Variants in FRMPD4 observed in about 807,000 individuals in gnomAD.
FRMPD4 encodes FERM and PDZ domain containing 4, also known as FERM and PDZ domain-containing protein 4.
FRMPD4 carries 22 observed loss-of-function variants against 94.1 expected under a neutral mutation model. The ratio of observed to expected loss-of-function variants is 0.23; its 90% confidence interval spans 0.17 to 0.33. FRMPD4 has a LOEUF of 0.33. FRMPD4 is among the 10% of genes least tolerant of loss of function. The pLI is 1.00. For synonymous variants in FRMPD4, 631 were observed against 548.6 expected (o/e 1.15, Z -2.10); for missense variants, 1,111 against 1,339.9 (o/e 0.83, Z 2.67).
chrX:12,454,934 C>T (rs144930208), intron 1 of FRMPD4, among the ~76,000 whole-genome samples: 24 of 108,705 alleles, frequency 2.2e-4, no homozygotes, highest in African/African-American at 4.0e-4. Flanking sequence ...GATGCAGGGC[C>T]GTAAATGGAA....
chrX:12,169,273 C>T (rs776768892), intron 1 of FRMPD4, among the ~76,000 whole-genome samples: 1 of 111,661 alleles, frequency 9.0e-6, no homozygotes, highest in South Asian at 3.8e-4. Flanking sequence ...GTTTTCTGGA[C>T]TGGAGGAAAA....
intron 2 of FRMPD4, among the ~76,000 whole-genome samples, chrX:11,875,869 A>ATTTTTTTTTTTTTTTTTT (rs869076863): frequency 1.7e-5 from 1 of 57,264 alleles, no homozygotes; most frequent in Non-Finnish European, 3.0e-5. Flanking sequence ...CCACTTGAGG[A>ATTTTTTTTTTTTTTTTTT]TTTTTTTTTT....
intron 4 of FRMPD4, among the ~76,000 whole-genome samples, chrX:12,620,810 T>G (rs180705997): frequency 8.9e-6 from 1 of 112,545 alleles, no homozygotes; most frequent in African/African-American, 3.2e-5. Context: ...CAGACCCCAT[T>G]GCAAATACAG....
At chrX:12,560,193 C>A (rs2058638284) in intron 2 of FRMPD4, among the ~76,000 whole-genome samples, 1 of 111,235 alleles carries the variant, frequency 9.0e-6, no homozygotes, top group Admixed American at 9.6e-5. Flanking sequence ...TTTGTTCAAA[C>A]CTGTATTCAA....
intron 1 of FRMPD4, among the ~76,000 whole-genome samples, chrX:12,415,401 A>G (rs1279180532): frequency 9.0e-6 from 1 of 111,412 alleles, no homozygotes; most frequent in African/African-American, 3.3e-5. Flanking sequence ...CCCCAGTTGG[A>G]AAAAAAATCT....
chrX:12,164,213 C>T (rs2056074490), intron 1 of FRMPD4, among the ~76,000 whole-genome samples: 1 of 110,802 alleles, frequency 9.0e-6, no homozygotes, highest in Non-Finnish European at 1.9e-5. Flanking sequence ...AACCCCACAA[C>T]AGTCCCTGGT....
intron 1 of FRMPD4, among the ~76,000 whole-genome samples, chrX:12,360,749 A>T (rs2055973041): frequency 8.9e-6 from 1 of 111,770 alleles, no homozygotes; most frequent in Non-Finnish European, 1.9e-5. Context: ...ATGTTCCTCC[A>T]TAGAGACGGC....
intron 1 of FRMPD4, among the ~76,000 whole-genome samples, chrX:12,335,896 C>T (rs1218854668): frequency 8.9e-6 from 1 of 112,043 alleles, no homozygotes; most frequent in African/African-American, 3.2e-5. Context: ...ATTTATTTCG[C>T]CTCAATCACC....
intron 6 of FRMPD4, among the ~76,000 whole-genome samples, chrX:12,685,071 C>T (rs758154339): frequency 4.8e-4 from 54 of 111,913 alleles, no homozygotes; most frequent in African/African-American, 1.7e-3. Flanking sequence ...CAAGACTGTG[C>T]GGGAAGTCCA....
chrX:12,096,736 A>G (rs750441280), intron 3 of FRMPD4, among the ~76,000 whole-genome samples: 27 of 111,143 alleles, frequency 2.4e-4, no homozygotes, highest in African/African-American at 7.5e-4. Flanking sequence ...ATTTTTTAAC[A>G]ATTAGCTGGA....
intron 3 of FRMPD4, among the ~76,000 whole-genome samples, chrX:11,978,740 T>C (rs1382707194): frequency 8.9e-6 from 1 of 111,814 alleles, no homozygotes; most frequent in Non-Finnish European, 1.9e-5. Flanking sequence ...TTGAAGCAAT[T>C]AGAAATTTAG....
At chrX:12,331,968 TTA>T (rs1489949378) in intron 1 of FRMPD4, among the ~76,000 whole-genome samples, 61 of 55,852 alleles carry the variant, frequency 1.1e-3, no homozygotes, top group African/African-American at 5.5e-3. Context: ...TATATATAAA[TTA>T]TATATATTTA....
At chrX:12,332,090 ATTATATATAATTTAT>A (rs2055428190) in intron 1 of FRMPD4, among the ~76,000 whole-genome samples, 1 of 73,976 alleles carries the variant, frequency 1.4e-5, no homozygotes, top group Non-Finnish European at 2.3e-5. Context: ...TATAATTTAT[ATTATATATAATTTAT>A]ATTATATATA....
At chrX:12,689,022 C>T (rs2060056233) in intron 7 of FRMPD4, among the ~76,000 whole-genome samples, 1 of 111,390 alleles carries the variant, frequency 9.0e-6, no homozygotes, top group Non-Finnish European at 1.9e-5. Flanking sequence ...AGCAGCATTT[C>T]TGGCTTCTAC....
At chrX:12,687,928 C>T (rs2060042146) in intron 7 of FRMPD4, among the ~76,000 whole-genome samples, 1 of 111,888 alleles carries the variant, frequency 8.9e-6, no homozygotes. Context: ...TACCATATGG[C>T]CCAATGTTCT....
intron 4 of FRMPD4, among the ~76,000 whole-genome samples, chrX:12,616,767 C>T (rs1241143361): frequency 8.9e-6 from 1 of 112,464 alleles, no homozygotes; most frequent in African/African-American, 3.2e-5. Flanking sequence ...TAGGCAGGCT[C>T]TGAGCCTTCT....
intron 1 of FRMPD4, among the ~76,000 whole-genome samples, chrX:12,258,233 G>A (rs762036398): frequency 4.5e-5 from 5 of 111,559 alleles, no homozygotes; most frequent in African/African-American, 1.3e-4. Flanking sequence ...TTAACTCCCA[G>A]TGCAACAGTG....
chrX:12,367,087 T>C (rs1419346107), intron 1 of FRMPD4, among the ~76,000 whole-genome samples: 1 of 112,116 alleles, frequency 8.9e-6, no homozygotes, highest in African/African-American at 3.2e-5. Flanking sequence ...CCGTGGCTTG[T>C]ACTTGCCTGG....
intron 1 of FRMPD4, among the ~76,000 whole-genome samples, chrX:12,197,138 T>C (rs1026190323): frequency 1.1e-4 from 12 of 111,078 alleles, no homozygotes; most frequent in African/African-American, 3.9e-4. Flanking sequence ...GAGGAGGTAT[T>C]CTCTGAATGT....
Sources: gnomAD v4.1 joint callset for allele counts (sites outside exome capture counted in the v4.1 genomes callset) on GRCh38, gnomAD v4.1.1 for gene constraint, MANE v1.5 for transcripts, NCBI Gene and HGNC (gene_info 2026-07-23, HGNC 2026-07-21) for gene names.